PCDHGA4: variants seen among roughly 807,000 people sequenced by gnomAD.
PCDHGA4 encodes protocadherin gamma subfamily A, 4, also known as protocadherin gamma-A4.
Under a neutral mutation model 54.6 loss-of-function variants are expected in PCDHGA4, and 38 were observed. That is an observed-to-expected ratio of 0.70 (90% CI 0.54 to 0.91). PCDHGA4 has a LOEUF of 0.91. PCDHGA4 is among the 40% of genes least tolerant of loss of function. The pLI is 0.00. For synonymous variants in PCDHGA4, 511 were observed against 512.9 expected (o/e 1.00, Z 0.05); for missense variants, 1,298 against 1,220.9 (o/e 1.06, Z -0.94).
chr5:141,358,641 G>A lies in PCDHGA4; in HGVS notation c.2514+1020G>A, dbSNP rs577212064. Among the ~76,000 whole-genome samples the A allele has an allele frequency of 9.9e-5, 15 of 152,162 alleles. No individual in the cohort carries two copies. The East Asian group carries it at 2.7e-3, about 27-fold the overall frequency. On this transcript the variant is annotated intron_variant, in intron 1 of 3. Transcript: ENST00000571252. Reference sequence around the variant, plus strand: ...CCAAGCTAATTTCAGTCATATATAAGTAGATTCTAGGAGTAACTTTAATAA... The same window carrying A: ...CCAAGCTAATTTCAGTCATATATAAATAGATTCTAGGAGTAACTTTAATAA...
Position 141,388,677 on chromosome 5 carries a change from A to G in PCDHGA4, c.2514+31056A>G, listed in dbSNP as rs369048942. 2.1e-5 allele frequency: 34 copies of G among 1,613,854 alleles called. 1 individual carries two copies. Among genetic ancestry groups the G allele is most frequent in the African/African-American group, 2.7e-5 (2 of 74,914 alleles). ...CCCGGGGACCACGGTGCTACAGGTGACTGCCACGGACCAGGATGAGGGTGT... is the reference window on the plus strand; with the variant it reads ...CCCGGGGACCACGGTGCTACAGGTGGCTGCCACGGACCAGGATGAGGGTGT... On this transcript the variant is annotated intron_variant, in intron 1 of 3. Transcript: ENST00000571252.
At chr5:141,482,801 G>C (rs1230060558) in intron 1 of PCDHGA4, among the ~76,000 whole-genome samples, 1 of 152,176 alleles carries the variant, frequency 6.6e-6, no homozygotes, top group African/African-American at 2.4e-5. Flanking sequence ...GCCGGGTACG[G>C]TGGCTCATGC....
chr5:141,422,549 TGAA>T (rs1554114956), intron 1 of PCDHGA4: 8 of 1,614,026 alleles, frequency 5.0e-6, no homozygotes, highest in Non-Finnish European at 6.8e-6. Flanking sequence ...CATGTCTGGC[TGAA>T]TGTGGCAGAT....
At chr5:141,408,513 T>C in intron 1 of PCDHGA4, 2 of 1,614,034 alleles carry the variant, frequency 1.2e-6, no homozygotes, top group East Asian at 4.5e-5. Context: ...AGATGTGAGT[T>C]GCAATTGGAA....
chr5:141,388,555 G>A, intron 1 of PCDHGA4: 1 of 1,613,826 alleles, frequency 6.2e-7, no homozygotes, highest in Non-Finnish European at 8.5e-7. Context: ...CCCCTAAGCA[G>A]CACTGCACAG....
chr5:141,470,872 T>G, intron 1 of PCDHGA4, among the ~76,000 whole-genome samples: 1 of 151,814 alleles, frequency 6.6e-6, no homozygotes, highest in East Asian at 1.9e-4. Context: ...GTTTGTTTGT[T>G]TTTTTGTTTT....
At chr5:141,380,262 A>G (rs1183031008) in intron 1 of PCDHGA4, among the ~76,000 whole-genome samples, 3 of 152,232 alleles carry the variant, frequency 2.0e-5, no homozygotes, top group African/African-American at 7.2e-5. Flanking sequence ...GGGAAGGAGT[A>G]AAATCTCAGA....
chr5:141,355,346 C>G lies in PCDHGA4; in HGVS notation c.239C>G (p.Ala80Gly), dbSNP rs571668487. ...QEEGSVVGNI[A>G]KDLGLAPREL... ...GAAGGCTCAGTGGTGGGCAACATCG[C>G]CAAGGACCTGGGGTTGGCGCCCCGG... is the stretch of plus-strand genomic sequence containing the variant. The change falls in exon 1 of 4, where the codon GCC becomes GGC. Residue 80 changes from alanine (A) to glycine (G), a missense_variant. By Grantham distance (60) the Ala-to-Gly change is moderately conservative. Transcript: ENST00000571252. 2 of 1,613,986 alleles carry G rather than the reference C, an allele frequency of 1.2e-6. No individual in the cohort carries two copies. The highest frequency in any genetic ancestry group is 2.7e-5 in the African/African-American group (2 of 75,060).
At chr5:141,389,603 C>T (rs1166074538) in intron 1 of PCDHGA4, 2 of 1,613,148 alleles carry the variant, frequency 1.2e-6, no homozygotes, top group Admixed American at 1.7e-5. Context: ...CTGCGCTCTT[C>T]GATATGGTGC....
chr5:141,395,074 C>G, intron 1 of PCDHGA4: 1 of 1,614,166 alleles, frequency 6.2e-7, no homozygotes, highest in East Asian at 2.2e-5. Flanking sequence ...CAGACCTATT[C>G]CCAGGAAGTC....
chr5:141,445,828 G>A (rs1188169953), intron 1 of PCDHGA4, among the ~76,000 whole-genome samples: 2 of 152,188 alleles, frequency 1.3e-5, no homozygotes, highest in African/African-American at 2.4e-5. Context: ...AAGGCAGGGA[G>A]AGCCTTGTAA....
chr5:141,407,735 T>C (rs2094975330), intron 1 of PCDHGA4, among the ~76,000 whole-genome samples: 1 of 152,246 alleles, frequency 6.6e-6, no homozygotes, highest in Non-Finnish European at 1.5e-5. Context: ...GTTCACTATA[T>C]ATACTCCCTA....
At chr5:141,380,374 C>CA (rs1392745416) in intron 1 of PCDHGA4, among the ~76,000 whole-genome samples, 1 of 151,910 alleles carries the variant, frequency 6.6e-6, no homozygotes, top group Non-Finnish European at 1.5e-5. Flanking sequence ...AAAAAAGTCC[C>CA]AAAAAAGAAA....
intron 1 of PCDHGA4, among the ~76,000 whole-genome samples, chr5:141,459,559 A>AC (rs920626314): frequency 6.6e-6 from 1 of 152,198 alleles, no homozygotes; most frequent in Non-Finnish European, 1.5e-5. Flanking sequence ...TTGGATAAAT[A>AC]CCCCAAAACA....
At chr5:141,443,109 C>A (rs373919534) in intron 1 of PCDHGA4, among the ~76,000 whole-genome samples, 2 of 152,100 alleles carry the variant, frequency 1.3e-5, no homozygotes, top group South Asian at 2.1e-4. Flanking sequence ...CTGAACCTTG[C>A]TTTTCAAACC....
At chr5:141,394,435 C>G (rs1473725556) in intron 1 of PCDHGA4, 1 of 1,614,246 alleles carries the variant, frequency 6.2e-7, no homozygotes, top group Non-Finnish European at 8.5e-7. Flanking sequence ...GGGGACCCGC[C>G]CCTCAGCAGC....
chr5:141,371,270 C>G (rs778912997), intron 1 of PCDHGA4: 24 of 1,613,894 alleles, frequency 1.5e-5, no homozygotes, highest in South Asian at 5.5e-5. Flanking sequence ...GACAACTGTT[C>G]AAGCTGGACA....
Position 141,433,020 on chromosome 5 carries a change from C to T in PCDHGA4, c.2515-61787C>T, listed in dbSNP as rs761127608. 1.1e-5 allele frequency: 17 copies of T among 1,614,152 alleles called. No individual in the cohort carries two copies. The South Asian group carries it at 1.9e-4, about 18-fold the overall frequency. On this transcript the variant is annotated intron_variant, in intron 1 of 3. Coordinates refer to ENST00000571252, the MANE Select transcript of PCDHGA4 (RefSeq NM_018917.4). ...GTGCAGGCTTTCCTGCAGACCTATTCCCACGAGGTTTCCCTCACCACGGAC... is the reference window on the plus strand; with the variant it reads ...GTGCAGGCTTTCCTGCAGACCTATTTCCACGAGGTTTCCCTCACCACGGAC...
chr5:141,377,889 C>T (rs914946378), intron 1 of PCDHGA4: 1 of 152,056 alleles, frequency 6.6e-6, no homozygotes, highest in Non-Finnish European at 1.5e-5. Flanking sequence ...AGATAGGATC[C>T]CCCTCTGTTG....
Sources: allele counts gnomAD v4.1 joint callset (sites outside exome capture counted in the v4.1 genomes callset), GRCh38; gene constraint gnomAD v4.1.1; transcripts MANE v1.5; gene names NCBI Gene and HGNC (gene_info 2026-07-23, HGNC 2026-07-21).